AGBL1: variants seen among roughly 807,000 people sequenced by gnomAD.
AGBL1 encodes cytosolic carboxypeptidase 4.
AGBL1 carries 130 observed loss-of-function variants against 118.9 expected under a neutral mutation model. The observed-to-expected ratio is 1.09, with a 90% CI of 0.95 to 1.26. The LOEUF (loss-of-function observed/expected upper bound fraction) is 1.26. AGBL1 is among the 50% of genes most tolerant of loss of function. The pLI, the probability that AGBL1 is intolerant of heterozygous loss-of-function variation, is 0.00. For synonymous variants in AGBL1, 555 were observed against 478.9 expected (o/e 1.16, Z -2.08); for missense variants, 1,584 against 1,298.1 (o/e 1.22, Z -3.38).
downstream of AGBL1, among the ~76,000 whole-genome samples, chr15:86,919,835 T>C (rs989389785): frequency 1.3e-5 from 2 of 152,068 alleles, no homozygotes; most frequent in African/African-American, 4.8e-5. Context: ...GTCCAGCCTG[T>C]AAAGCACTCA....
At chr15:86,984,521 G>A (rs1051585388) in intron 23 of AGBL1, among the ~76,000 whole-genome samples, 6 of 151,684 alleles carry the variant, frequency 4.0e-5, no homozygotes, top group African/African-American at 9.7e-5. Flanking sequence ...ACCTGCCACC[G>A]TATCTGGCTA....
At chr15:86,246,348 T>G (rs1363214752) in intron 6 of AGBL1, among the ~76,000 whole-genome samples, 1 of 152,160 alleles carries the variant, frequency 6.6e-6, no homozygotes. Flanking sequence ...TAAGCGGAGT[T>G]GCTGGGGAGC....
chr15:86,478,226 GAC>G (rs1445260751), intron 18 of AGBL1, among the ~76,000 whole-genome samples: 3 of 152,108 alleles, frequency 2.0e-5, no homozygotes, highest in East Asian at 3.9e-4. Context: ...TGGAAGTTCT[GAC>G]CAGGGCAATC....
intron 22 of AGBL1, among the ~76,000 whole-genome samples, chr15:86,751,791 C>G (rs1184630100): frequency 1.3e-5 from 2 of 151,970 alleles, no homozygotes; most frequent in African/African-American, 4.8e-5. Context: ...AAGATGCTAC[C>G]TTAAGATCAG....
At chr15:86,464,423 C>T (rs1212726635) in intron 18 of AGBL1, among the ~76,000 whole-genome samples, 1 of 152,162 alleles carries the variant, frequency 6.6e-6, no homozygotes, top group African/African-American at 2.4e-5. Flanking sequence ...TGTTTGAATA[C>T]CCCTTATTTC....
intron 21 of AGBL1, among the ~76,000 whole-genome samples, chr15:86,568,653 C>A (rs1383052128): frequency 6.6e-6 from 1 of 152,166 alleles, no homozygotes; most frequent in Non-Finnish European, 1.5e-5. Flanking sequence ...GACCCTGGAG[C>A]AGAGCATCAG....
chr15:86,236,965 A>G (rs1176602683), intron 6 of AGBL1, among the ~76,000 whole-genome samples: 1 of 110,688 alleles, frequency 9.0e-6, no homozygotes, highest in African/African-American at 3.6e-5. Flanking sequence ...GGGGGCGCCA[A>G]GTTGCCAGGC....
At chr15:86,498,213 A>G (rs2082876862) in intron 18 of AGBL1, among the ~76,000 whole-genome samples, 1 of 151,888 alleles carries the variant, frequency 6.6e-6, no homozygotes, top group African/African-American at 2.4e-5. Flanking sequence ...TTGACCCCCA[A>G]TTCAGAATTA....
At chr15:86,671,074 T>C (rs2085738563) in intron 21 of AGBL1, among the ~76,000 whole-genome samples, 1 of 152,086 alleles carries the variant, frequency 6.6e-6, no homozygotes, top group Non-Finnish European at 1.5e-5. Context: ...ACCTGTCTCT[T>C]TTAAGGAGGG....
intron 17 of AGBL1, among the ~76,000 whole-genome samples, chr15:86,341,114 A>C (rs1419299509): frequency 6.6e-6 from 1 of 152,090 alleles, no homozygotes; most frequent in Non-Finnish European, 1.5e-5. Flanking sequence ...CAGGTTCCCT[A>C]CCTGGCCTTT....
intron 22 of AGBL1, among the ~76,000 whole-genome samples, chr15:86,791,235 T>A: frequency 6.6e-6 from 1 of 152,182 alleles, no homozygotes; most frequent in East Asian, 1.9e-4. Context: ...AGTTTCCCAA[T>A]AAGGCTTAGG....
intron 21 of AGBL1, chr15:86,556,281 T>A: frequency 6.2e-7 from 1 of 1,611,718 alleles, no homozygotes; most frequent in Non-Finnish European, 8.5e-7. Context: ...GTGGATGGCC[T>A]TCAGGTATTG....
intron 17 of AGBL1, among the ~76,000 whole-genome samples, chr15:86,394,224 C>G (rs76746431): frequency 6.6e-6 from 1 of 152,108 alleles, no homozygotes; most frequent in East Asian, 1.9e-4. Context: ...CTCTAATTCA[C>G]TATGCTGTAC....
chr15:87,010,281 C>T (rs777916653), intron 24 of AGBL1, among the ~76,000 whole-genome samples: 7 of 152,190 alleles, frequency 4.6e-5, no homozygotes, highest in South Asian at 2.1e-4. Flanking sequence ...AAACTCTCTT[C>T]ACCTGCCGCC....
At chr15:86,888,550 G>C (rs1054666678) in intron 22 of AGBL1, among the ~76,000 whole-genome samples, 6 of 152,124 alleles carry the variant, frequency 3.9e-5, no homozygotes, top group Non-Finnish European at 8.8e-5. Context: ...AACCAACGAA[G>C]ATCTAGGTAT....
At chr15:86,146,596 G>C (rs1359518663) in intron 3 of AGBL1, among the ~76,000 whole-genome samples, 3 of 152,186 alleles carry the variant, frequency 2.0e-5, no homozygotes, top group Admixed American at 1.3e-4. Flanking sequence ...GGTTTTATAG[G>C]AGAAAGAGAG....
chr15:86,930,031 A>T (rs182253263), intron 23 of AGBL1, among the ~76,000 whole-genome samples: 1 of 152,208 alleles, frequency 6.6e-6, no homozygotes, highest in East Asian at 1.9e-4. Context: ...CCAACAATCC[A>T]CGCTTGCTTG....
At chr15:86,627,246 C>T (rs973424275) in intron 21 of AGBL1, among the ~76,000 whole-genome samples, 1 of 152,254 alleles carries the variant, frequency 6.6e-6, no homozygotes, top group African/African-American at 2.4e-5. Context: ...GTGATTCGCC[C>T]ACCTCAGCCT....
At chr15:86,549,435 CTG>C (rs894515656) in intron 20 of AGBL1, among the ~76,000 whole-genome samples, 10 of 151,964 alleles carry the variant, frequency 6.6e-5, no homozygotes, top group African/African-American at 2.4e-4. Context: ...AATGTAGAAA[CTG>C]TGTAGAGACA....
Sources: gnomAD v4.1 joint callset for allele counts (sites outside exome capture counted in the v4.1 genomes callset) on GRCh38, gnomAD v4.1.1 for gene constraint, MANE v1.5 for transcripts, NCBI Gene and HGNC (gene_info 2026-07-23, HGNC 2026-07-21) for gene names.